Variants in RPS6KA5 observed in about 807,000 individuals in gnomAD.
RPS6KA5 encodes the protein ribosomal protein S6 kinase A5.
Under a neutral mutation model 85.5 loss-of-function variants are expected in RPS6KA5, and 27 were observed. The ratio of observed to expected loss-of-function variants is 0.32; its 90% CI spans 0.23 to 0.44. RPS6KA5 has a LOEUF of 0.44. Ranked by LOEUF, RPS6KA5 falls within the 20% of genes least tolerant of loss-of-function variation. The pLI, the probability that RPS6KA5 is intolerant of heterozygous loss-of-function variation, is 1.00. For synonymous variants in RPS6KA5, 334 were observed against 348.2 expected (o/e 0.96, Z 0.46); for missense variants, 811 against 980.9 (o/e 0.83, Z 2.31).
intron 5 of RPS6KA5, among the ~76,000 whole-genome samples, chr14:90,936,886 G>A (rs912099791): frequency 1.9e-4 from 29 of 152,144 alleles, no homozygotes; most frequent in Admixed American, 1.6e-3. Context: ...GATTTTGGTG[G>A]AAGATTACTT....
intron 2 of RPS6KA5, among the ~76,000 whole-genome samples, chr14:90,987,700 CACAACAACAACA>C (rs58564796): frequency 6.6e-6 from 1 of 151,500 alleles, no homozygotes; most frequent in Non-Finnish European, 1.5e-5. Flanking sequence ...CAGCAGCAGC[CACAACAACAACA>C]ACAACAACAA....
In RPS6KA5 at chr14:90,863,774, C is replaced by T. The variant is rs573098761; in HGVS notation, c.*8300G>A. On this transcript the variant is annotated 3_prime_UTR_variant, in exon 17 of 17. Transcript: ENST00000614987. ...AATAGAGGGATATACCATGTCCATG[C>T]ATTGGAAAACTCAAAATTGGTAAGA... 6.6e-6 allele frequency: 1 copy of T among 152,280 alleles called. No homozygotes were observed. Among genetic ancestry groups the T allele is most frequent in the Non-Finnish European group, 1.5e-5 (1 of 68,008 alleles). 9.4% of individuals were successfully genotyped at this position (152,280 alleles called of 1,614,324 possible). A position where few individuals can be genotyped will look rare whatever the true frequency, so the allele number is the denominator to read the frequency against.
chr14:91,047,698 G>A (rs1421534168), intron 1 of RPS6KA5, among the ~76,000 whole-genome samples: 2 of 152,072 alleles, frequency 1.3e-5, no homozygotes, highest in East Asian at 1.9e-4. Context: ...CCACAAATTC[G>A]TTTTCTTATA....
chr14:90,937,765 G>A (rs1010267116), intron 5 of RPS6KA5, among the ~76,000 whole-genome samples: 8 of 152,132 alleles, frequency 5.3e-5, no homozygotes, highest in African/African-American at 1.9e-4. Flanking sequence ...GTCAGATCTT[G>A]CAAGACTTAC....
In RPS6KA5 at chr14:90,947,551, C is replaced by G; in HGVS notation, c.395-1G>C. On this transcript the variant is annotated splice_acceptor_variant, in intron 3 of 16. Transcript: ENST00000614987. LOFTEE classifies it high-confidence loss of function. ...AAAAGTTCACCACCATTTATATAAT[C>G]TAAAAATGAAATACATTTTTCTTTC... 6.6e-7 allele frequency: 1 copy of G among 1,518,470 alleles called. No homozygotes were observed. The highest frequency in any genetic ancestry group is 9.1e-7 in the Non-Finnish European group (1 of 1,098,666). The allele number at this position is 1,518,470 out of a possible 1,614,324, so 94.1% of individuals were successfully genotyped here.
At chr14:90,872,716 A>G (rs938295720) in intron 16 of RPS6KA5, among the ~76,000 whole-genome samples, 3 of 152,190 alleles carry the variant, frequency 2.0e-5, no homozygotes, top group Non-Finnish European at 4.4e-5. Context: ...TCCCAATGCA[A>G]GCAGACTTGA....
intron 1 of RPS6KA5, among the ~76,000 whole-genome samples, chr14:91,010,079 A>T (rs28542124): frequency 0.014 from 2,109 of 152,102 alleles, 59 homozygotes; most frequent in African/African-American, 0.048. Flanking sequence ...GAAGAATGAG[A>T]AAAAAAGCCA....
chr14:90,926,432 A>G (rs1166727890), intron 5 of RPS6KA5, among the ~76,000 whole-genome samples: 1 of 151,994 alleles, frequency 6.6e-6, no homozygotes, highest in Non-Finnish European at 1.5e-5. Flanking sequence ...AAATTTACTA[A>G]AGACTTAGTA....
intron 13 of RPS6KA5, among the ~76,000 whole-genome samples, chr14:90,893,126 C>G (rs2034650150): frequency 6.6e-6 from 1 of 152,110 alleles, no homozygotes; most frequent in South Asian, 2.1e-4. Flanking sequence ...AGTCATGGAA[C>G]AGATCTTTTC....
At chr14:90,944,684 G>A (rs1437827554) in intron 4 of RPS6KA5, among the ~76,000 whole-genome samples, 2 of 152,056 alleles carry the variant, frequency 1.3e-5, no homozygotes, top group Admixed American at 1.3e-4. Context: ...GAACCCGGGA[G>A]GTGGAGGTTA....
At chr14:90,873,374 T>A (rs577122629) in intron 16 of RPS6KA5, among the ~76,000 whole-genome samples, 17 of 152,370 alleles carry the variant, frequency 1.1e-4, no homozygotes, top group African/African-American at 4.1e-4. Context: ...GAAAAAGTTC[T>A]ATTATCTCAT....
intron 3 of RPS6KA5, among the ~76,000 whole-genome samples, chr14:90,977,499 AG>A (rs760743614): frequency 2.0e-5 from 3 of 152,232 alleles, no homozygotes; most frequent in Non-Finnish European, 4.4e-5. Context: ...GGGAGTGTAA[AG>A]GGCTGACTGA....
At chr14:90,878,178 T>C (rs749690097) in intron 14 of RPS6KA5, among the ~76,000 whole-genome samples, 1 of 152,230 alleles carries the variant, frequency 6.6e-6, no homozygotes, top group Non-Finnish European at 1.5e-5. Context: ...CATGTATCAC[T>C]GTATCCCCTG....
At chr14:90,895,346 A>C (rs1352429910) in intron 12 of RPS6KA5, among the ~76,000 whole-genome samples, 2 of 152,108 alleles carry the variant, frequency 1.3e-5, no homozygotes, top group Non-Finnish European at 2.9e-5. Context: ...CTGTACAAAA[A>C]AAATTAAAAC....
At chr14:90,906,107 C>T (rs377705092) in intron 8 of RPS6KA5, 42 bp downstream of exon 8, 52 of 1,519,198 alleles carry the variant, frequency 3.4e-5, no homozygotes, top group African/African-American at 5.5e-5. Flanking sequence ...ACCCTGAAAA[C>T]GGCAAGGAGT....
chr14:90,877,688 C>T (rs752523134), intron 14 of RPS6KA5, among the ~76,000 whole-genome samples: 3 of 152,102 alleles, frequency 2.0e-5, no homozygotes, highest in Non-Finnish European at 4.4e-5. Context: ...GCTGTTTGGT[C>T]TCCTTAGAAT....
intron 4 of RPS6KA5, among the ~76,000 whole-genome samples, chr14:90,946,872 G>T (rs1472845564): frequency 6.6e-6 from 1 of 152,102 alleles, no homozygotes; most frequent in Non-Finnish European, 1.5e-5. Context: ...AGTTTGCATA[G>T]GGTCACAGAC....
At chr14:91,016,457 T>C (rs2041501560) in intron 1 of RPS6KA5, among the ~76,000 whole-genome samples, 1 of 152,222 alleles carries the variant, frequency 6.6e-6, no homozygotes, top group Admixed American at 6.5e-5. Flanking sequence ...TTGTTCATAA[T>C]CACCAATTTT....
At chr14:90,982,862 C>T (rs951067984) in intron 2 of RPS6KA5, among the ~76,000 whole-genome samples, 46 of 152,186 alleles carry the variant, frequency 3.0e-4, no homozygotes, top group African/African-American at 1.1e-3. Flanking sequence ...GCCTGTAATC[C>T]CAGCACTTTG....
Sources: allele counts gnomAD v4.1 joint callset (sites outside exome capture counted in the v4.1 genomes callset), GRCh38; gene constraint gnomAD v4.1.1; transcripts MANE v1.5; gene names NCBI Gene and HGNC (gene_info 2026-07-23, HGNC 2026-07-21).